The following PLEKHH2 variants were observed in gnomAD, a reference collection of about 807,000 sequenced individuals.
PLEKHH2 encodes pleckstrin homology, MyTH4 and FERM domain containing H2.
A neutral mutation model predicts 187.9 loss-of-function variants in PLEKHH2; 129 were observed. The observed-to-expected ratio is 0.69, with a 90% CI of 0.59 to 0.79. The LOEUF is 0.79. Ranked by LOEUF, PLEKHH2 falls within the 30% of genes least tolerant of loss-of-function variation. The pLI is 0.00. For synonymous variants in PLEKHH2, 686 were observed against 605.6 expected, an observed-to-expected ratio of 1.13 and a Z score of -1.95; for missense variants, 2,076 against 1,751.2, an observed-to-expected ratio of 1.19 and a Z score of -3.31.
At position 43,668,513 on chromosome 2, in the gene PLEKHH2, T is replaced by A. The variant is rs188195477; in HGVS notation, c.124-10350T>A. On this transcript the variant is annotated intron_variant, in intron 2 of 29. Coordinates refer to ENST00000282406, the MANE Select transcript of PLEKHH2 (RefSeq NM_172069.4). ...AAATACTGATGATTTACTGATCAGT[T>A]CCCTTACTATTAGACATACAGGCTA... 1.4e-4 allele frequency among the ~76,000 whole-genome samples: 22 copies of A among 152,326 alleles called. No individual in the cohort carries two copies. The East Asian group carries it at 4.0e-3, about 28-fold the overall frequency.
intron 2 of PLEKHH2, among the ~76,000 whole-genome samples, chr2:43,676,648 T>A (rs13001285): frequency 0.33 from 49,814 of 151,782 alleles, 8,816 homozygotes; most frequent in Non-Finnish European, 0.4. Context: ...CCAAAAAGAA[T>A]AAAATTGAGT....
chr2:43,766,742 C>G lies in PLEKHH2; in HGVS notation c.*1144C>G, dbSNP rs765470730. On this transcript the variant is annotated 3_prime_UTR_variant, in exon 30 of 30. Coordinates refer to ENST00000282406, the MANE Select transcript of PLEKHH2 (RefSeq NM_172069.4). ...CCTCTTGAATAGCTGGGACTAGAAG[C>G]ATGCACCACCATGCCCATCTAATAT... 10 of 152,208 alleles carry G rather than the reference C, an allele frequency of 6.6e-5. No homozygotes were observed. Among genetic ancestry groups the G allele is most frequent in the Non-Finnish European group, 1.2e-4 (8 of 68,130 alleles). 9.4% of individuals were successfully genotyped at this position (152,208 alleles called of 1,614,324 possible). A position where few individuals can be genotyped will look rare whatever the true frequency, so the allele number is the denominator to read the frequency against.
chr2:43,745,240 C>G (rs1671730725), intron 23 of PLEKHH2, among the ~76,000 whole-genome samples: 1 of 152,126 alleles, frequency 6.6e-6, no homozygotes, highest in Non-Finnish European at 1.5e-5. Context: ...CACTTGAACC[C>G]AGGAGGCGGA....
Position 43,695,237 on chromosome 2 carries a change from T to C in PLEKHH2, c.502+13T>C. On this transcript the variant is annotated intron_variant, in intron 6 of 29. Transcript: ENST00000282406. ...TCAAAACTACAAGGTACAAATACTT[T>C]ACTAAGATAGCTTAGTTGGATTTAT... 1.3e-6 allele frequency: 2 copies of C among 1,492,188 alleles called. No individual in the cohort carries two copies. Among genetic ancestry groups the C allele is most frequent in the South Asian group, 1.3e-5 (1 of 78,008 alleles). The allele number at this position is 1,492,188 out of a possible 1,614,324, so 92.4% of individuals were successfully genotyped here. A position where few individuals can be genotyped will look rare whatever the true frequency, so the allele number is the denominator to read the frequency against.
chr2:43,715,866 G>A (rs569932690), intron 15 of PLEKHH2, among the ~76,000 whole-genome samples: 9 of 152,198 alleles, frequency 5.9e-5, no homozygotes, highest in African/African-American at 9.6e-5. Flanking sequence ...AGAAGGATTC[G>A]AGGAATCATC....
chr2:43,691,631 C>G (rs1049980424), intron 3 of PLEKHH2, among the ~76,000 whole-genome samples: 4 of 152,208 alleles, frequency 2.6e-5, no homozygotes, highest in Non-Finnish European at 4.4e-5. Flanking sequence ...AGGCATTTGT[C>G]TGCCTCCCGC....
At chr2:43,686,109 T>G (rs1211413524) in intron 3 of PLEKHH2, among the ~76,000 whole-genome samples, 2 of 152,082 alleles carry the variant, frequency 1.3e-5, no homozygotes. Flanking sequence ...TTAGTTCTTC[T>G]TCTTCTTCCT....
At position 43,700,067 on chromosome 2, in the gene PLEKHH2, GA is replaced by G; in HGVS notation, c.1112del (p.Asn371IlefsTer4). The G allele has an allele frequency of 1.9e-6, 3 of 1,614,104 alleles. No homozygotes were observed. The highest frequency in any genetic ancestry group is 4.5e-5 in the East Asian group (2 of 44,878). ...WKALNSPLGK[G>X]NSELSKKEQD... ...GCTCTAAATAGTCCTCTTGGAAAGGGAAATTCTGAATTAAGTAAAAAGGAAC... is the reference window on the plus strand; with the variant it reads ...GCTCTAAATAGTCCTCTTGGAAAGGGAATTCTGAATTAAGTAAAAAGGAAC... On this transcript the variant is annotated frameshift_variant, in exon 8 of 30. Coordinates refer to ENST00000282406, the MANE Select transcript of PLEKHH2 (RefSeq NM_172069.4). LOFTEE classifies it high-confidence loss of function.
At chr2:43,676,098 A>G (rs1472529657) in intron 2 of PLEKHH2, 2 of 1,613,724 alleles carry the variant, frequency 1.2e-6, no homozygotes, top group African/African-American at 2.7e-5. Flanking sequence ...CGGATTCTCC[A>G]AAGATGATAC....
intron 1 of PLEKHH2, among the ~76,000 whole-genome samples, chr2:43,641,896 T>C (rs764265259): frequency 1.3e-5 from 2 of 152,350 alleles, no homozygotes; most frequent in South Asian, 4.1e-4. Flanking sequence ...TATAGCTTTG[T>C]AGTAAGTTTA....
In PLEKHH2 at chr2:43,678,868, A is replaced by G. The variant is rs141299666; in HGVS notation, c.129A>G (p.Gln43=). Reference sequence around the variant, plus strand: ...TATTTTCCCTCACTCTACAGATGCAACAGCTTGAGAGACAAGTTATTGATG... The same window carrying G: ...TATTTTCCCTCACTCTACAGATGCAGCAGCTTGAGAGACAAGTTATTGATG... ...KIRELLAEKM[Q]QLERQVIDAE... Residue 43 remains glutamine (Q), a synonymous_variant, in exon 3 of 30, where the codon CAA becomes CAG. Transcript: ENST00000282406. The G allele has an allele frequency of 8.7e-6, 14 of 1,601,572 alleles. No homozygotes were observed. The highest frequency in any genetic ancestry group is 5.4e-5 in the African/African-American group (4 of 74,758).
Position 43,700,015 on chromosome 2 carries a change from T to C in PLEKHH2, c.1057T>C (p.Ser353Pro). Residue 353 changes from serine (S) to proline (P), a missense_variant, in exon 8 of 30, where the codon TCT becomes CCT. By Grantham distance (74) the Ser-to-Pro change is moderately conservative. Transcript: ENST00000282406. ...IKRPEHKKLY[S>P]WQQEAQWKAL... ...GAGACCAGAACACAAGAAGCTATAT[T>C]CTTGGCAGCAGGAGGCACAGTGGAA... 3 of 1,614,036 alleles carry C rather than the reference T, an allele frequency of 1.9e-6. No homozygotes were observed. In the East Asian group the frequency reaches 6.7e-5, roughly 36 times the overall value.
chr2:43,681,271 G>A (rs1288605007), intron 3 of PLEKHH2: 1 of 687,248 alleles, frequency 1.5e-6, no homozygotes, highest in Non-Finnish European at 2.5e-6. Context: ...GGAGGTCCAG[G>A]GTGATGCCAT....
intron 2 of PLEKHH2, among the ~76,000 whole-genome samples, chr2:43,678,147 A>G (rs6729506): frequency 6.8e-6 from 1 of 147,934 alleles, no homozygotes; most frequent in Non-Finnish European, 1.5e-5. Flanking sequence ...ACATCTCAGA[A>G]GATGGGTGGC....
intron 19 of PLEKHH2, among the ~76,000 whole-genome samples, chr2:43,733,667 T>G (rs1438158745): frequency 6.6e-6 from 1 of 152,172 alleles, no homozygotes. Context: ...CCTGAAGTAT[T>G]TATTGGTAAA....
chr2:43,765,327 A>G (rs933352976), intron 29 of PLEKHH2, 86 bp from the exon 30 acceptor site: 2 of 1,308,668 alleles, frequency 1.5e-6, no homozygotes, highest in Middle Eastern at 3.9e-4. Flanking sequence ...TTGCAAATGG[A>G]GCTCACCTGT....
At chr2:43,763,253 G>C (rs1268294074) in intron 28 of PLEKHH2, among the ~76,000 whole-genome samples, 1 of 152,054 alleles carries the variant, frequency 6.6e-6, no homozygotes, top group Non-Finnish European at 1.5e-5. Context: ...CAGAAAACTA[G>C]CTCCCTAGCT....
At chr2:43,694,361 A>G (rs1668986354) in intron 4 of PLEKHH2, 70 bp from the exon 5 acceptor site, 1 of 1,465,426 alleles carries the variant, frequency 6.8e-7, no homozygotes, top group Non-Finnish European at 9.1e-7. Context: ...TGCCTTGTAT[A>G]TTTATGGTAA....
intron 2 of PLEKHH2, among the ~76,000 whole-genome samples, chr2:43,651,092 T>A (rs1006680883): frequency 6.6e-6 from 1 of 152,344 alleles, no homozygotes; most frequent in East Asian, 1.9e-4. Context: ...AATGTAGTGA[T>A]TACCCTTTAT....
Sources: allele counts gnomAD v4.1 joint callset (sites outside exome capture counted in the v4.1 genomes callset), GRCh38; gene constraint gnomAD v4.1.1; transcripts MANE v1.5; gene names NCBI Gene and HGNC (gene_info 2026-07-23, HGNC 2026-07-21).